The following AP2B1 variants were observed in gnomAD, a reference collection of about 807,000 sequenced individuals.
AP2B1 encodes adaptor related protein complex 2 subunit beta 1.
Under a neutral mutation model 102.0 loss-of-function variants are expected in AP2B1, and 23 were observed. The observed-to-expected ratio is 0.23, with a 90% CI of 0.16 to 0.32. AP2B1 has a LOEUF of 0.32. Ranked by LOEUF, AP2B1 falls within the 10% of genes least tolerant of loss-of-function variation. The pLI is 1.00. For missense variants in AP2B1, 541 were observed against 1,157.4 expected, an observed-to-expected ratio of 0.47 and a Z score of 7.73; for synonymous variants, 381 against 421.2, an observed-to-expected ratio of 0.90 and a Z score of 1.17.
chr17:35,650,132 T>C (rs1473752316), intron 12 of AP2B1, among the ~76,000 whole-genome samples: 1 of 152,108 alleles, frequency 6.6e-6, no homozygotes, highest in Non-Finnish European at 1.5e-5. Context: ...GTATTTTTAG[T>C]AGAGGTGGGG....
chr17:35,705,188 TGAACCCA>T (rs2076316748), intron 18 of AP2B1, among the ~76,000 whole-genome samples: 1 of 152,182 alleles, frequency 6.6e-6, no homozygotes, highest in East Asian at 1.9e-4. Context: ...GTTACTGAAA[TGAACCCA>T]GTTCTAGCCT....
intron 2 of AP2B1, among the ~76,000 whole-genome samples, chr17:35,594,660 C>T (rs2073205493): frequency 6.6e-6 from 1 of 152,084 alleles, no homozygotes; most frequent in African/African-American, 2.4e-5. Flanking sequence ...ATACATCTAC[C>T]ATGTTCTTCG....
At chr17:35,631,420 ACTCT>A (rs1473432222) in intron 9 of AP2B1, among the ~76,000 whole-genome samples, 2 of 152,064 alleles carry the variant, frequency 1.3e-5, no homozygotes, top group Admixed American at 6.5e-5. Context: ...CTTCTGTTTC[ACTCT>A]CTCAGATATG....
At position 35,598,148 on chromosome 17, in the gene AP2B1, G is replaced by A. The variant is rs1030245491; in HGVS notation, c.38-82G>A. The stretch of plus-strand genomic sequence containing the variant: ...ATTTTAGTTGCTGCCCTGCTATCCT[G>A]GTATTGGTTATTACATAGTGTAGTA... On this transcript the variant is annotated intron_variant, in intron 2 of 21. Transcript: ENST00000610402. 3.5e-5 allele frequency: 21 copies of A among 601,556 alleles called. No homozygotes were observed. The East Asian group carries it at 5.6e-4, about 16-fold the overall frequency. The allele number at this position is 601,556 out of a possible 1,614,324, so 37.3% of individuals were successfully genotyped here. A position where few individuals can be genotyped will look rare whatever the true frequency, so the allele number is the denominator to read the frequency against.
chr17:35,589,402 T>A (rs2073010274), intron 1 of AP2B1, among the ~76,000 whole-genome samples: 1 of 152,226 alleles, frequency 6.6e-6, no homozygotes. Flanking sequence ...ACAAACTAAT[T>A]TAGCTTCCCA....
At chr17:35,639,857 A>G (rs2074716751) in intron 11 of AP2B1, 97 bp downstream of exon 11, 1 of 1,056,084 alleles carries the variant, frequency 9.5e-7, no homozygotes, top group Admixed American at 2.4e-5. Flanking sequence ...CTGTGTCTGT[A>G]TTTACATATA....
chr17:35,636,479 C>G (rs545247814), intron 10 of AP2B1, 23 bp downstream of exon 10: 4 of 1,564,746 alleles, frequency 2.6e-6, no homozygotes, highest in South Asian at 1.1e-5. Context: ...ACCTTTACCC[C>G]TCTTTCTCAA....
At chr17:35,595,925 A>G (rs1267068818) in intron 2 of AP2B1, among the ~76,000 whole-genome samples, 1 of 150,904 alleles carries the variant, frequency 6.6e-6, no homozygotes, top group Non-Finnish European at 1.5e-5. Context: ...TTAAATAGTT[A>G]TAATTTTAAA....
At chr17:35,632,877 A>G (rs1458305005) in intron 9 of AP2B1, among the ~76,000 whole-genome samples, 2 of 151,918 alleles carry the variant, frequency 1.3e-5, no homozygotes, top group Admixed American at 1.3e-4. Context: ...ATGGTAATTC[A>G]ATGCTTACAG....
intron 21 of AP2B1, among the ~76,000 whole-genome samples, chr17:35,720,481 A>G (rs1232063002): frequency 6.7e-6 from 1 of 148,628 alleles, no homozygotes; most frequent in Non-Finnish European, 1.5e-5. Context: ...GTTAAAAAAA[A>G]TAGATTCTGT....
intron 15 of AP2B1, 53 bp from the exon 16 acceptor site, chr17:35,671,701 C>G: frequency 1.3e-6 from 2 of 1,566,114 alleles, no homozygotes; most frequent in Non-Finnish European, 1.8e-6. Context: ...ATTTTAAGGA[C>G]TGTTAATCTG....
intron 17 of AP2B1, among the ~76,000 whole-genome samples, chr17:35,681,272 A>T (rs149500168): frequency 3.9e-3 from 591 of 152,164 alleles, no homozygotes; most frequent in African/African-American, 0.013. Context: ...ATTGTGTCCT[A>T]TGTAAGTGAA....
chr17:35,669,092 C>T (rs1342066877), intron 14 of AP2B1, among the ~76,000 whole-genome samples: 5 of 150,620 alleles, frequency 3.3e-5, no homozygotes, highest in African/African-American at 7.3e-5. Flanking sequence ...AGTATCTTTT[C>T]TATTCCCTTC....
chr17:35,622,115 TTGA>T (rs1267193618), intron 5 of AP2B1, among the ~76,000 whole-genome samples: 2 of 152,238 alleles, frequency 1.3e-5, no homozygotes, highest in Non-Finnish European at 2.9e-5. Context: ...TTTCTCATGC[TTGA>T]TGATAGAGTT....
intron 16 of AP2B1, 52 bp downstream of exon 16, chr17:35,671,952 T>G (rs780668390): frequency 6.3e-7 from 1 of 1,579,878 alleles, no homozygotes; most frequent in South Asian, 1.1e-5. Context: ...GGACCCAAAC[T>G]GTTTCACTTT....
intron 17 of AP2B1, among the ~76,000 whole-genome samples, chr17:35,677,637 C>CA (rs922578830): frequency 9.9e-5 from 15 of 151,198 alleles, no homozygotes; most frequent in East Asian, 3.9e-4. Context: ...TCAGTTTCTA[C>CA]AAAAAAAATG....
At chr17:35,621,628 T>C (rs2074181248) in intron 5 of AP2B1, among the ~76,000 whole-genome samples, 1 of 152,232 alleles carries the variant, frequency 6.6e-6, no homozygotes, top group South Asian at 2.1e-4. Flanking sequence ...ATTTCATTTC[T>C]TGTTTTAATG....
chr17:35,674,187 T>A lies in AP2B1; in HGVS notation c.2190T>A (p.Pro730=). The A allele has an allele frequency of 1.2e-6, 2 of 1,614,160 alleles. No individual in the cohort carries two copies. Residue 730 remains proline (P), a synonymous_variant, in exon 17 of 22, where the codon CCT becomes CCA. Coordinates refer to ENST00000610402, the MANE Select transcript of AP2B1 (RefSeq NM_001030006.2). The stretch of plus-strand genomic sequence containing the variant: ...ATACTGTGTTTCAGGTCTGGCTACC[T>A]GCAGTAAAGGCTAAAGGCTTGGAGA... ...GYVAPKAVWL[P]AVKAKGLEIS...
intron 21 of AP2B1, among the ~76,000 whole-genome samples, chr17:35,720,573 A>ATATATATATATTT (rs1324333805): frequency 3.6e-5 from 1 of 28,068 alleles, no homozygotes; most frequent in Non-Finnish European, 6.2e-5. Flanking sequence ...ATATATATAT[A>ATATATATATATTT]TTTTTTTTTT....
Sources: allele counts gnomAD v4.1 joint callset (sites outside exome capture counted in the v4.1 genomes callset), GRCh38; gene constraint gnomAD v4.1.1; transcripts MANE v1.5; gene names NCBI Gene and HGNC (gene_info 2026-07-23, HGNC 2026-07-21).